The following LRP2 variants were observed in gnomAD, a reference collection of about 807,000 sequenced individuals.
LRP2 encodes LDL receptor related protein 2.
In LRP2, 172 loss-of-function variants were observed where a neutral mutation model predicts 531.0. The ratio of observed to expected loss-of-function variants is 0.32; its 90% CI spans 0.29 to 0.37. The LOEUF is 0.37. Ranked by LOEUF, LRP2 falls within the 10% of genes least tolerant of loss-of-function variation. The pLI, the probability that LRP2 is intolerant of heterozygous loss-of-function variation, is 1.00. For missense variants in LRP2, 5,167 were observed against 5,868.3 expected (o/e 0.88, Z 3.90); for synonymous variants, 1,992 against 2,027.6 (o/e 0.98, Z 0.47).
Position 169,151,022 on chromosome 2 carries a change from T to C in LRP2, c.12466A>G (p.Ile4156Val), listed in dbSNP as rs1331633377. 6.2e-6 allele frequency: 10 copies of C among 1,613,894 alleles called. No individual in the cohort carries two copies. The highest frequency in any genetic ancestry group is 8.5e-6 in the Non-Finnish European group (10 of 1,179,832). Reference protein sequence around the residue: ...GIAVDWVGRHIYWSDVKNKRI... With the variant: ...GIAVDWVGRHVYWSDVKNKRI... Reference sequence around the variant, plus strand: ...TTATTCTTGACATCTGACCAGTAAATATGCCTGAATTCAGAGGGACAAAGT... The same window carrying C: ...TTATTCTTGACATCTGACCAGTAAACATGCCTGAATTCAGAGGGACAAAGT... Residue 4156 changes from isoleucine (I) to valine (V), a missense_variant, in exon 68 of 79, where the codon ATT (isoleucine) becomes GTT (valine). Ile to Val is a conservative substitution (Grantham distance 29). This residue lies in a region of LRP2 where 564 missense variants were observed against 747.7 expected (regional missense o/e 0.75). Coordinates refer to ENST00000649046, the MANE Select transcript of LRP2 (RefSeq NM_004525.3).
Position 169,185,642 on chromosome 2 carries a change from G to C in LRP2, c.9706C>G (p.Arg3236Gly). Reference sequence around the variant, plus strand: ...ATCCAATACAATCTCTTCTCTACTCGGTCAAAATCTAATGCCACAACATTG... The same window carrying C: ...ATCCAATACAATCTCTTCTCTACTCCGTCAAAATCTAATGCCACAACATTG... ...LDNVVALDFD[R>G]VEKRLYWIDT... Residue 3236 changes from arginine (R) to glycine (G), a missense_variant, in exon 50 of 79, where the codon CGA (arginine) becomes GGA (glycine). Physicochemically the swap from Arg to Gly is moderately radical, Grantham distance 125. Transcript: ENST00000649046. 1.9e-6 allele frequency: 3 copies of C among 1,613,960 alleles called. No homozygotes were observed. The highest frequency in any genetic ancestry group is 2.5e-6 in the Non-Finnish European group (3 of 1,179,982).
At chr2:169,132,527 A>T in intron 77 of LRP2, 47 bp downstream of exon 77, 1 of 1,126,274 alleles carries the variant, frequency 8.9e-7, no homozygotes, top group Non-Finnish European at 1.4e-6. Context: ...CAGTCATCCC[A>T]AAGTTTTTCC....
intron 31 of LRP2, among the ~76,000 whole-genome samples, chr2:169,227,256 A>G (rs1421443333): frequency 2.0e-5 from 3 of 152,202 alleles, no homozygotes; most frequent in Admixed American, 6.5e-5. Flanking sequence ...TAGTTGCCCA[A>G]TAAATGTTTG....
At chr2:169,136,530 C>G (rs1021059895) in intron 76 of LRP2, among the ~76,000 whole-genome samples, 2 of 151,916 alleles carry the variant, frequency 1.3e-5, no homozygotes, top group East Asian at 1.9e-4. Context: ...GACATTCCAC[C>G]ACAAAAGAAG....
At chr2:169,209,998 A>G (rs1025371684) in intron 37 of LRP2, among the ~76,000 whole-genome samples, 1 of 148,174 alleles carries the variant, frequency 6.7e-6, no homozygotes, top group African/African-American at 2.6e-5. Flanking sequence ...AAACATCAAA[A>G]GAAGGATTAC....
intron 28 of LRP2, 144 bp downstream of exon 28, chr2:169,236,959 C>A: frequency 1.4e-6 from 1 of 693,698 alleles, no homozygotes. Flanking sequence ...TAGCAACACC[C>A]AGTTGGACAC....
rs538652277 is a variant in LRP2 at position 169,156,027 on chromosome 2, A to G, written c.12151+247T>C. 3.2e-4 allele frequency among the ~76,000 whole-genome samples: 49 copies of G among 152,282 alleles called. No homozygotes were observed. The South Asian group carries it at 8.3e-3, about 26-fold the overall frequency. ...GACAAGAGGCTAAATCCATTATAATAAGTAACACCTGGCTCTTGTTTTAAT... is the reference window on the plus strand; with the variant it reads ...GACAAGAGGCTAAATCCATTATAATGAGTAACACCTGGCTCTTGTTTTAAT... On this transcript the variant is annotated intron_variant, in intron 65 of 78. Transcript: ENST00000649046.
At chr2:169,292,644 C>T (rs550062920) in intron 6 of LRP2, among the ~76,000 whole-genome samples, 1 of 151,802 alleles carries the variant, frequency 6.6e-6, no homozygotes, top group East Asian at 1.9e-4. Flanking sequence ...ATGGTGAGAC[C>T]TCATCTCTAC....
rs764291438 is a variant in LRP2, at chr2:169,280,443, G to C, written c.1248C>G (p.Ile416Met). 3.1e-6 allele frequency: 5 copies of C among 1,614,166 alleles called. No individual in the cohort carries two copies. The highest frequency in any genetic ancestry group is 4.2e-6 in the Non-Finnish European group (5 of 1,180,020). The change falls in exon 11 of 79, where the codon ATC (isoleucine) becomes ATG (methionine). Residue 416 changes from isoleucine (I) to methionine (M), a missense_variant. Ile to Met is a conservative substitution (Grantham distance 10). Transcript: ENST00000649046. ...IGDIHGRSFR[I>M]LVESQNRGVA... ...CTCCACGATTCTGAGACTCCACTAG[G>C]ATCCGGAAGCTCCTTCCATGAATAT...
At chr2:169,332,317 A>G (rs1245475092) in intron 1 of LRP2, among the ~76,000 whole-genome samples, 1 of 152,214 alleles carries the variant, frequency 6.6e-6, no homozygotes, top group Non-Finnish European at 1.5e-5. Flanking sequence ...CCCTAACTCC[A>G]TATTATTTAG....
At chr2:169,158,061 T>TACAC (rs61381788) in intron 63 of LRP2, among the ~76,000 whole-genome samples, 30,132 of 141,212 alleles carry the variant, frequency 0.21, 3,354 homozygotes, top group East Asian at 0.3. Context: ...ATTGATTATA[T>TACAC]ACACACACAC....
At chr2:169,154,304 C>T (rs149235095) in intron 66 of LRP2, among the ~76,000 whole-genome samples, 156 bp downstream of exon 66, 4 of 152,270 alleles carry the variant, frequency 2.6e-5, no homozygotes, top group Admixed American at 6.5e-5. Context: ...TTCAAGGCCA[C>T]GCTAAGGCAT....
chr2:169,182,129 A>G, intron 51 of LRP2, 38 bp downstream of exon 51: 4 of 1,612,634 alleles, frequency 2.5e-6, no homozygotes, highest in Non-Finnish European at 2.5e-6. Context: ...CAGAAGAAGG[A>G]GGTGAAAGAA....
At chr2:169,298,999 G>A (rs1477985213) in intron 4 of LRP2, among the ~76,000 whole-genome samples, 1 of 150,284 alleles carries the variant, frequency 6.7e-6, no homozygotes, top group African/African-American at 2.5e-5. Context: ...GTAATTTGAA[G>A]AAGCTTTCAA....
chr2:169,283,063 AC>A, intron 9 of LRP2, 62 bp from the exon 10 acceptor site: 1 of 1,574,634 alleles, frequency 6.4e-7, no homozygotes, highest in Non-Finnish European at 8.7e-7. Flanking sequence ...GCACTCTCTG[AC>A]AAAAATCCTA....
At chr2:169,358,261 G>T (rs1253208231) in intron 1 of LRP2, among the ~76,000 whole-genome samples, 1 of 152,096 alleles carries the variant, frequency 6.6e-6, no homozygotes, top group Non-Finnish European at 1.5e-5. Context: ...TCTGTCACAG[G>T]CTAGATGTCC....
At chr2:169,310,405 C>T (rs1684559645) in intron 3 of LRP2, among the ~76,000 whole-genome samples, 1 of 152,144 alleles carries the variant, frequency 6.6e-6, no homozygotes, top group Non-Finnish European at 1.5e-5. Flanking sequence ...GAGTTTTTAG[C>T]ATGAAGGGCT....
intron 52 of LRP2, 130 bp from the exon 53 acceptor site, chr2:169,178,156 A>G (rs554894286): frequency 4.2e-6 from 3 of 714,562 alleles, no homozygotes; most frequent in East Asian, 2.7e-5. Flanking sequence ...GATCCTCAAA[A>G]CTCCTAGTCT....
intron 20 of LRP2, 88 bp from the exon 21 acceptor site, chr2:169,247,074 A>G: frequency 6.8e-7 from 1 of 1,476,284 alleles, no homozygotes; most frequent in Non-Finnish European, 9.3e-7. Flanking sequence ...AACAAACAGG[A>G]CAAAACATTT....
Sources: allele counts gnomAD v4.1 joint callset (sites outside exome capture counted in the v4.1 genomes callset), GRCh38; gene constraint gnomAD v4.1.1; regional missense constraint gnomAD v4.1.1; transcripts MANE v1.5; gene names NCBI Gene and HGNC (gene_info 2026-07-23, HGNC 2026-07-21).